The following TENM2 variants were observed in gnomAD, a reference collection of about 807,000 sequenced individuals.
TENM2 encodes the protein teneurin transmembrane protein 2.
TENM2 carries 52 observed loss-of-function variants against 245.2 expected under a neutral mutation model. The observed-to-expected ratio is 0.21, with a 90% CI of 0.17 to 0.27. The LOEUF (loss-of-function observed/expected upper bound fraction) is 0.27. TENM2 is among the 10% of genes least tolerant of loss of function. TENM2 has a pLI of 1.00. For missense variants in TENM2, 3,046 were observed against 3,666.8 expected, an observed-to-expected ratio of 0.83 and a Z score of 4.37; for synonymous variants, 1,363 against 1,438.9, an observed-to-expected ratio of 0.95 and a Z score of 1.19.
At chr5:167,228,904 C>T in the TENM2 span, among the ~76,000 whole-genome samples, 1,021 of 152,182 alleles carry the variant, frequency 6.7e-3, 10 homozygotes, top group Non-Finnish European at 9.0e-3. Flanking sequence ...GGGGTTTCAA[C>T]ATTCACAGGA....
At chr5:167,670,048 C>A (rs531391828) in intron 2 of TENM2, among the ~76,000 whole-genome samples, 1 of 152,262 alleles carries the variant, frequency 6.6e-6, no homozygotes, top group Non-Finnish European at 1.5e-5. Context: ...ATTTTGCCAA[C>A]AGATGACATT....
chr5:167,755,395 A>G (rs916129809), intron 2 of TENM2, among the ~76,000 whole-genome samples: 3 of 151,386 alleles, frequency 2.0e-5, no homozygotes, highest in African/African-American at 4.9e-5. Context: ...TCTAATTCCT[A>G]TCAGGTTGTT....
chr5:167,773,602 CT>C (rs1294167932), intron 2 of TENM2, among the ~76,000 whole-genome samples: 1 of 152,128 alleles, frequency 6.6e-6, no homozygotes, highest in African/African-American at 2.4e-5. Flanking sequence ...CTTTCTTACC[CT>C]TGTTGTTCTT....
chr5:167,933,495 G>T (rs1441445717), intron 3 of TENM2, among the ~76,000 whole-genome samples: 1 of 152,122 alleles, frequency 6.6e-6, no homozygotes, highest in African/African-American at 2.4e-5. Flanking sequence ...ATTAAATGTT[G>T]AATTATGCTC....
At chr5:167,751,429 C>A (rs1761952084) in intron 2 of TENM2, among the ~76,000 whole-genome samples, 1 of 152,108 alleles carries the variant, frequency 6.6e-6, no homozygotes, top group South Asian at 2.1e-4. Flanking sequence ...GATAATTTAT[C>A]CTTGTCTTTT....
the TENM2 span, among the ~76,000 whole-genome samples, chr5:167,138,238 G>A: frequency 1.3e-5 from 2 of 152,208 alleles, no homozygotes; most frequent in African/African-American, 4.8e-5. Context: ...GAATCTAGCT[G>A]TAGATAAAAT....
intron 2 of TENM2, among the ~76,000 whole-genome samples, chr5:167,385,870 G>A (rs937668054): frequency 6.7e-6 from 1 of 149,234 alleles, no homozygotes; most frequent in African/African-American, 2.5e-5. Flanking sequence ...GTGTGTGTGT[G>A]TGTGTGTGTG....
chr5:167,518,056 G>C (rs145724032), intron 2 of TENM2, among the ~76,000 whole-genome samples: 4 of 151,672 alleles, frequency 2.6e-5, no homozygotes, highest in African/African-American at 9.7e-5. Flanking sequence ...ATGTTACGGC[G>C]CACACCTGTA....
chr5:167,377,172 T>A (rs1760803145), intron 2 of TENM2, among the ~76,000 whole-genome samples: 2 of 152,174 alleles, frequency 1.3e-5, no homozygotes, highest in African/African-American at 4.8e-5. Flanking sequence ...ATGAAAAAAA[T>A]CTGAAATTCA....
chr5:167,254,379 C>T, the TENM2 span, among the ~76,000 whole-genome samples: 3 of 152,240 alleles, frequency 2.0e-5, no homozygotes, highest in East Asian at 5.8e-4. Flanking sequence ...CACTCTCCTC[C>T]CTGCTGTGCG....
At chr5:168,083,395 C>T (rs1247537557) in intron 7 of TENM2, among the ~76,000 whole-genome samples, 1 of 152,226 alleles carries the variant, frequency 6.6e-6, no homozygotes, top group Non-Finnish European at 1.5e-5. Context: ...ACCCCTTGCA[C>T]TTCCCAGATG....
chr5:166,983,738 T>C, the TENM2 span, among the ~76,000 whole-genome samples: 5 of 152,034 alleles, frequency 3.3e-5, no homozygotes, highest in African/African-American at 1.2e-4. Flanking sequence ...AACAGTGCAT[T>C]GTTTGGGGGG....
intron 3 of TENM2, among the ~76,000 whole-genome samples, chr5:167,925,886 A>G (rs1777720060): frequency 6.6e-6 from 1 of 152,236 alleles, no homozygotes; most frequent in African/African-American, 2.4e-5. Context: ...TCTCACTTAT[A>G]AGCTGGAGCT....
chr5:168,156,084 A>G (rs1006089388), intron 12 of TENM2, among the ~76,000 whole-genome samples: 1 of 151,794 alleles, frequency 6.6e-6, no homozygotes, highest in African/African-American at 2.4e-5. Flanking sequence ...CTATTGGAAG[A>G]GAAAATAAAT....
At chr5:167,511,327 C>T (rs1046076672) in intron 2 of TENM2, among the ~76,000 whole-genome samples, 5 of 151,998 alleles carry the variant, frequency 3.3e-5, no homozygotes, top group African/African-American at 9.7e-5. Context: ...GAAGGTAAAA[C>T]GTGAGGCCTT....
chr5:167,025,367 G>A, the TENM2 span, among the ~76,000 whole-genome samples: 2 of 152,168 alleles, frequency 1.3e-5, no homozygotes, highest in South Asian at 2.1e-4. Flanking sequence ...TACATTTGGA[G>A]TGTACAAAAT....
intron 2 of TENM2, among the ~76,000 whole-genome samples, chr5:167,695,601 A>G (rs1303253803): frequency 1.3e-5 from 2 of 152,156 alleles, no homozygotes; most frequent in East Asian, 1.9e-4. Context: ...TTGTCTCTGA[A>G]TCAGACAAAA....
At chr5:167,321,355 G>A (rs1756711275) in intron 1 of TENM2, among the ~76,000 whole-genome samples, 1 of 152,056 alleles carries the variant, frequency 6.6e-6, no homozygotes, top group Non-Finnish European at 1.5e-5. Flanking sequence ...TCTCTCTCTG[G>A]CCTGCTTTTT....
intron 2 of TENM2, among the ~76,000 whole-genome samples, chr5:167,857,602 T>C (rs1367408723): frequency 6.6e-6 from 1 of 152,200 alleles, no homozygotes. Context: ...TATTTGTTCA[T>C]GGAACCCTTG....
Sources: gnomAD v4.1 joint callset for allele counts (sites outside exome capture counted in the v4.1 genomes callset) on GRCh38, gnomAD v4.1.1 for gene constraint, MANE v1.5 for transcripts, NCBI Gene and HGNC (gene_info 2026-07-23, HGNC 2026-07-21) for gene names.